The following ME1 variants were observed in gnomAD, a reference collection of about 807,000 sequenced individuals.
ME1 encodes the protein malic enzyme 1.
Under a neutral mutation model 66.4 loss-of-function variants are expected in ME1, and 74 were observed. The ratio of observed to expected loss-of-function variants is 1.11; its 90% CI spans 0.92 to 1.35. The LOEUF (loss-of-function observed/expected upper bound fraction) is 1.35, where lower values mean the gene tolerates loss of function less well. Ranked by LOEUF, ME1 falls within the 40% of genes most tolerant of loss-of-function variation. The probability of loss-of-function intolerance (pLI) is 0.00; values close to 1 mark genes in which losing one functional copy is unlikely to be tolerated. For missense variants in ME1, 750 were observed against 694.1 expected (o/e 1.08, Z -0.90); for synonymous variants, 251 against 235.6 (o/e 1.07, Z -0.60).
intron 5 of ME1, among the ~76,000 whole-genome samples, chr6:83,321,153 C>A (rs1768165284): frequency 6.6e-6 from 1 of 152,208 alleles, no homozygotes; most frequent in African/African-American, 2.4e-5. Context: ...ATGGTCTTCA[C>A]AACCCACAGA....
intron 6 of ME1, among the ~76,000 whole-genome samples, chr6:83,286,535 T>A (rs1300036044): frequency 6.6e-6 from 1 of 152,292 alleles, no homozygotes; most frequent in African/African-American, 2.4e-5. Context: ...TAAAGAGATA[T>A]TTTTAAATAT....
At chr6:83,324,071 C>A (rs1768234091) in intron 5 of ME1, among the ~76,000 whole-genome samples, 1 of 152,038 alleles carries the variant, frequency 6.6e-6, no homozygotes, top group African/African-American at 2.4e-5. Context: ...ACTGAACAAC[C>A]TGCTCCTGAA....
intron 11 of ME1, among the ~76,000 whole-genome samples, chr6:83,226,730 A>G (rs1790203507): frequency 6.6e-6 from 1 of 152,114 alleles, no homozygotes; most frequent in Non-Finnish European, 1.5e-5. Flanking sequence ...GATAGATATG[A>G]CTCAACCTCT....
intron 2 of ME1, among the ~76,000 whole-genome samples, chr6:83,403,588 G>T (rs907701374): frequency 1.3e-4 from 20 of 152,154 alleles, no homozygotes; most frequent in African/African-American, 4.3e-4. Flanking sequence ...TGCACCTATA[G>T]ACTGTCATCT....
intron 1 of ME1, among the ~76,000 whole-genome samples, chr6:83,425,105 C>T (rs1257235473): frequency 1.3e-5 from 2 of 152,204 alleles, no homozygotes; most frequent in Non-Finnish European, 2.9e-5. Context: ...CCTCCCACCT[C>T]AGCCACTCAA....
intron 11 of ME1, among the ~76,000 whole-genome samples, chr6:83,226,722 T>G (rs550162756): frequency 6.6e-6 from 1 of 152,198 alleles, no homozygotes; most frequent in African/African-American, 2.4e-5. Context: ...ACATTTTAGA[T>G]AGATATGACT....
chr6:83,344,139 A>AGATTGGT (rs1283729394), intron 5 of ME1, among the ~76,000 whole-genome samples: 1 of 151,586 alleles, frequency 6.6e-6, no homozygotes, highest in Non-Finnish European at 1.5e-5. Context: ...AAAAAAAATT[A>AGATTGGT]GATTGGTGTG....
chr6:83,217,520 C>T (rs1790016123), intron 12 of ME1, among the ~76,000 whole-genome samples: 1 of 152,012 alleles, frequency 6.6e-6, no homozygotes, highest in Admixed American at 6.6e-5. Context: ...GTGTTATTGT[C>T]CTTGAGAGAT....
chr6:83,286,437 A>T (rs1488317698), intron 6 of ME1, among the ~76,000 whole-genome samples: 4 of 152,160 alleles, frequency 2.6e-5, no homozygotes, highest in Non-Finnish European at 5.9e-5. Context: ...TTCTCCCTTG[A>T]TGTCAATAGT....
intron 3 of ME1, among the ~76,000 whole-genome samples, chr6:83,365,122 C>T (rs1033295044): frequency 5.9e-5 from 9 of 152,052 alleles, no homozygotes; most frequent in African/African-American, 1.9e-4. Context: ...GACAAAGTAT[C>T]GCTCTTGTTG....
intron 6 of ME1, among the ~76,000 whole-genome samples, chr6:83,303,060 T>G (rs1173028725): frequency 6.6e-6 from 1 of 152,188 alleles, no homozygotes; most frequent in East Asian, 1.9e-4. Context: ...AGGAATTGTC[T>G]GGATAGATTT....
intron 3 of ME1, among the ~76,000 whole-genome samples, chr6:83,389,651 T>C (rs1769581106): frequency 6.6e-6 from 1 of 152,136 alleles, no homozygotes; most frequent in African/African-American, 2.4e-5. Flanking sequence ...CCAAAGAAGT[T>C]ATATGAATCT....
At chr6:83,353,231 C>G (rs760290620) in intron 3 of ME1, among the ~76,000 whole-genome samples, 7 of 152,050 alleles carry the variant, frequency 4.6e-5, no homozygotes, top group Non-Finnish European at 7.4e-5. Flanking sequence ...TTTTTTTGGA[C>G]AAGACATTTC....
chr6:83,376,638 C>CA (rs1347994901), intron 3 of ME1, among the ~76,000 whole-genome samples: 5,491 of 135,396 alleles, frequency 0.041, 200 homozygotes, highest in East Asian at 0.15. Context: ...CCATCTCTGT[C>CA]AAAAAAAAAA....
intron 4 of ME1, among the ~76,000 whole-genome samples, chr6:83,351,215 T>A (rs1323898995): frequency 6.6e-6 from 1 of 152,086 alleles, no homozygotes. Flanking sequence ...AGCAACATAG[T>A]GGGACTTTGT....
chr6:83,351,810 T>C (rs935653848), intron 4 of ME1, among the ~76,000 whole-genome samples: 4 of 152,126 alleles, frequency 2.6e-5, no homozygotes, highest in Admixed American at 1.3e-4. Context: ...TATCACATAT[T>C]CAACATTTAT....
intron 6 of ME1, among the ~76,000 whole-genome samples, chr6:83,297,069 TAAGAA>T (rs1453067505): frequency 6.6e-6 from 1 of 152,120 alleles, no homozygotes; most frequent in African/African-American, 2.4e-5. Context: ...TTCTTTTCCA[TAAGAA>T]AATAACATTA....
At chr6:83,327,922 C>A (rs1387181171) in intron 5 of ME1, among the ~76,000 whole-genome samples, 1 of 152,086 alleles carries the variant, frequency 6.6e-6, no homozygotes, top group Non-Finnish European at 1.5e-5. Context: ...CTCAAGCCAG[C>A]CGATGCTTAG....
At chr6:83,247,268 A>AT (rs1188409793) in intron 7 of ME1, among the ~76,000 whole-genome samples, 1 of 151,898 alleles carries the variant, frequency 6.6e-6, no homozygotes, top group Non-Finnish European at 1.5e-5. Context: ...TTGAAACCTT[A>AT]TTTTTTTCAG....
Sources: gnomAD v4.1 joint callset for allele counts (sites outside exome capture counted in the v4.1 genomes callset) on GRCh38, gnomAD v4.1.1 for gene constraint, MANE v1.5 for transcripts, NCBI Gene and HGNC (gene_info 2026-07-23, HGNC 2026-07-21) for gene names.